Variants in CRAMP1 observed in about 807,000 individuals in gnomAD.
CRAMP1 encodes the protein protein cramped-like.
In CRAMP1, 50 loss-of-function variants were observed where a neutral mutation model predicts 115.4. The ratio of observed to expected loss-of-function variants is 0.43; its 90% CI spans 0.35 to 0.55. CRAMP1 has a LOEUF of 0.55. CRAMP1 is among the 20% of genes least tolerant of loss of function. CRAMP1 has a pLI of 0.01. For missense variants in CRAMP1, 1,679 were observed against 1,721.7 expected (o/e 0.98, Z 0.44); for synonymous variants, 866 against 745.4 (o/e 1.16, Z -2.64).
intron 20 of CRAMP1, 63 bp from the exon 21 acceptor site, chr16:1,673,818 C>A: frequency 6.6e-7 from 1 of 1,509,996 alleles, no homozygotes. Flanking sequence ...TTTCAGGACC[C>A]GCCCTCCACT....
chr16:1,631,366 C>G (rs1351647412), intron 3 of CRAMP1, among the ~76,000 whole-genome samples: 1 of 152,248 alleles, frequency 6.6e-6, no homozygotes, highest in African/African-American at 2.4e-5. Flanking sequence ...TCTCACGTCC[C>G]CATCGCCTGC....
At chr16:1,641,022 A>C (rs17135461) in intron 5 of CRAMP1, 117 bp from the exon 6 acceptor site, 2 of 686,064 alleles carry the variant, frequency 2.9e-6, no homozygotes, top group East Asian at 2.7e-5. Context: ...TTCCAGAGGA[A>C]CTTTAATATT....
intron 2 of CRAMP1, among the ~76,000 whole-genome samples, chr16:1,616,442 A>C (rs2036420809): frequency 6.6e-6 from 1 of 152,056 alleles, no homozygotes; most frequent in Non-Finnish European, 1.5e-5. Flanking sequence ...CAGCTACTTC[A>C]CCCCGTTGAA....
rs2036930828 is a variant in CRAMP1, at chr16:1,672,550, T to C, written c.3646-1331T>C. On this transcript the variant is annotated intron_variant, in intron 20 of 20. Transcript: ENST00000397412. The surrounding 1 kb of genome is among the most constrained non-coding windows in gnomAD (Gnocchi z 4.9). ...CAGGGGAAGGAGAATTACTCTTTGC[T>C]CTGCTTTTGAAAACAAATTTTAATT... Among the ~76,000 whole-genome samples the C allele has an allele frequency of 6.6e-6, 1 of 152,198 alleles. No individual in the cohort carries two copies. Among genetic ancestry groups the C allele is most frequent in the Non-Finnish European group, 1.5e-5 (1 of 68,040 alleles).
intron 2 of CRAMP1, among the ~76,000 whole-genome samples, chr16:1,624,417 C>CT (rs35272341): frequency 0.091 from 13,056 of 143,078 alleles, 658 homozygotes; most frequent in African/African-American, 0.13. Context: ...TTGGCTTTTG[C>CT]TTTTTTTTTT....
chr16:1,659,795 G>C (rs915992246), intron 10 of CRAMP1, 91 bp from the exon 11 acceptor site: 1 of 1,236,134 alleles, frequency 8.1e-7, no homozygotes, highest in African/African-American at 1.5e-5. Flanking sequence ...TTCTGAGCTC[G>C]ATGATTTTCT....
At chr16:1,641,807 G>T (rs993592057) in intron 6 of CRAMP1, among the ~76,000 whole-genome samples, 1 of 152,062 alleles carries the variant, frequency 6.6e-6, no homozygotes, top group Non-Finnish European at 1.5e-5. Flanking sequence ...TTTACAGCTT[G>T]GGGAAGGTCC....
At chr16:1,631,671 C>G (rs185282814) in intron 3 of CRAMP1, among the ~76,000 whole-genome samples, 74 of 152,320 alleles carry the variant, frequency 4.9e-4, no homozygotes, top group Admixed American at 3.3e-3. Context: ...TCACACTCAG[C>G]TTTTGCAAAG....
chr16:1,655,522 C>T (rs1245066146), intron 9 of CRAMP1, among the ~76,000 whole-genome samples: 3 of 152,196 alleles, frequency 2.0e-5, no homozygotes, highest in Admixed American at 2.0e-4. Flanking sequence ...ACAGCCAGCC[C>T]TCCACGATGT....
intron 2 of CRAMP1, among the ~76,000 whole-genome samples, chr16:1,621,035 T>C (rs1249626454): frequency 6.6e-6 from 1 of 152,230 alleles, no homozygotes; most frequent in Non-Finnish European, 1.5e-5. Flanking sequence ...GGCATTTGAA[T>C]GCATTTTAAG....
At position 1,656,364 on chromosome 16, in the gene CRAMP1, G is replaced by T; in HGVS notation, c.1607G>T (p.Arg536Leu). 1 of 1,601,520 alleles carries T rather than the reference G, an allele frequency of 6.2e-7. No individual in the cohort carries two copies. ...TPAEGRDSPT[R>L]EPGALPCACG... ...GCAGAAGGCAGGGACAGTCCCACCC[G>T]GGAGCCAGGGGCCTTGCCGTGTGCC... The change falls in exon 10 of 21, where the codon CGG becomes CTG. Residue 536 changes from arginine (R) to leucine (L), a missense_variant. Arg to Leu is a moderately radical substitution (Grantham distance 102). Coordinates refer to ENST00000397412, the MANE Select transcript of CRAMP1 (RefSeq NM_020825.4). This position sits in a 1 kb window ranked among gnomAD's most constrained non-coding sequence, Gnocchi z 5.6.
Position 1,674,197 on chromosome 16 carries a change from C to T in CRAMP1, c.*152C>T. The T allele has an allele frequency of 2.7e-6, 2 of 727,684 alleles. No homozygotes were observed. Among genetic ancestry groups the T allele is most frequent in the Non-Finnish European group, 4.4e-6 (2 of 452,390 alleles). 45.1% of individuals were successfully genotyped at this position (727,684 alleles called of 1,614,324 possible). A position where few individuals can be genotyped will look rare whatever the true frequency, so the allele number is the denominator to read the frequency against. On this transcript the variant is annotated 3_prime_UTR_variant, in exon 21 of 21. Transcript: ENST00000397412. ...GGTCACAGAGCTGCTTCCCCACGAG[C>T]AGCAGGCAACGGCGTCCAAGGAGAC...
rs143562365 is a variant in CRAMP1 at position 1,660,232 on chromosome 16, A to G, written c.2413+169A>G. Among the ~76,000 whole-genome samples, 224 of 152,298 alleles carry G rather than the reference A, an allele frequency of 1.5e-3. 1 individual carries two copies. The highest frequency in any genetic ancestry group is 5.0e-3 in the African/African-American group (206 of 41,580). On this transcript the variant is annotated intron_variant, in intron 11 of 20. Transcript: ENST00000397412. ...GAAGGTGCAGAATCACTGCCTCCTC[A>G]TGGGGAGGGTGATGCCAGGGCTTGT...
At chr16:1,633,644 C>T (rs2036563866) in intron 4 of CRAMP1, among the ~76,000 whole-genome samples, 1 of 152,198 alleles carries the variant, frequency 6.6e-6, no homozygotes, top group Non-Finnish European at 1.5e-5. Flanking sequence ...TCCCGTCATC[C>T]AAGGCTGTTG....
chr16:1,612,755 G>A (rs1207038999), intron 1 of CRAMP1, among the ~76,000 whole-genome samples, 98 bp downstream of exon 1: 1 of 152,076 alleles, frequency 6.6e-6, no homozygotes, highest in Non-Finnish European at 1.5e-5. Context: ...CGCTTCCACA[G>A]CGCCCGGTAC....
At chr16:1,652,699 T>G in intron 7 of CRAMP1, 118 bp downstream of exon 7, 1 of 901,324 alleles carries the variant, frequency 1.1e-6, no homozygotes, top group Non-Finnish European at 1.7e-6. Flanking sequence ...CCCTGCTTAA[T>G]CCCAGGGCTG....
chr16:1,654,745 TCA>T (rs959468228), intron 8 of CRAMP1, among the ~76,000 whole-genome samples: 37 of 152,348 alleles, frequency 2.4e-4, no homozygotes, highest in African/African-American at 8.7e-4. Flanking sequence ...AGAAACGGAA[TCA>T]CACGCAGAGG....
At chr16:1,623,402 C>T (rs1596482520) in intron 2 of CRAMP1, among the ~76,000 whole-genome samples, 1 of 152,226 alleles carries the variant, frequency 6.6e-6, no homozygotes, top group Non-Finnish European at 1.5e-5. Flanking sequence ...TTCTGTTAGC[C>T]TTTACTGTTT....
chr16:1,662,962 G>T, intron 13 of CRAMP1, 127 bp downstream of exon 13: 1 of 665,498 alleles, frequency 1.5e-6, no homozygotes. Flanking sequence ...CTTCCCTCTT[G>T]TGAGTAGGGT....
Sources: gnomAD v4.1 joint callset for allele counts (sites outside exome capture counted in the v4.1 genomes callset) on GRCh38, gnomAD v4.1.1 for gene constraint, Gnocchi (gnomAD v3.1) non-coding constraint, MANE v1.5 for transcripts, NCBI Gene and HGNC (gene_info 2026-07-23, HGNC 2026-07-21) for gene names.